ROBO2: variants seen among roughly 807,000 people sequenced by gnomAD.
The protein encoded by ROBO2 is roundabout homolog 2.
Under a neutral mutation model 160.8 loss-of-function variants are expected in ROBO2, and 53 were observed. The ratio of observed to expected loss-of-function variants is 0.33; its 90% CI spans 0.26 to 0.41. The LOEUF (loss-of-function observed/expected upper bound fraction) is 0.41, where lower values mean the gene tolerates loss of function less well. Among genes scored for constraint, ROBO2 ranks in the 10% least tolerant of loss-of-function variants. The pLI, the probability that ROBO2 is intolerant of heterozygous loss-of-function variation, is 1.00. For synonymous variants in ROBO2, 664 were observed against 611.7 expected, an observed-to-expected ratio of 1.09 and a Z score of -1.26; for missense variants, 1,577 against 1,722.4, an observed-to-expected ratio of 0.92 and a Z score of 1.49.
chr3:76,153,373 C>T (rs762458300), intron 2 of ROBO2, among the ~76,000 whole-genome samples: 3 of 152,088 alleles, frequency 2.0e-5, no homozygotes, highest in Non-Finnish European at 2.9e-5. Context: ...GTTTGACTTC[C>T]GTTTCATCTT....
At chr3:76,969,146 GAAAGTGGCAGAATTCAAT>G (rs1416517352) in intron 2 of ROBO2, among the ~76,000 whole-genome samples, 1 of 152,154 alleles carries the variant, frequency 6.6e-6, no homozygotes, top group Non-Finnish European at 1.5e-5. Context: ...GACAACAAGT[GAAAGTGGCAGAATTCAAT>G]AAAGTGGCAG....
chr3:77,297,230 C>G (rs143649828), intron 2 of ROBO2, among the ~76,000 whole-genome samples: 2 of 152,184 alleles, frequency 1.3e-5, no homozygotes, highest in African/African-American at 4.8e-5. Flanking sequence ...ATTTTTACAA[C>G]TACTGATGTT....
At chr3:77,638,320 TG>T (rs2153720172) in intron 24 of ROBO2, among the ~76,000 whole-genome samples, 1 of 152,354 alleles carries the variant, frequency 6.6e-6, no homozygotes. Flanking sequence ...CAACAGTGTT[TG>T]CTGTTTTCTA....
intron 2 of ROBO2, among the ~76,000 whole-genome samples, chr3:76,778,186 T>C (rs1421667570): frequency 6.6e-6 from 1 of 151,092 alleles, no homozygotes; most frequent in African/African-American, 2.4e-5. Flanking sequence ...GGAGGCCATA[T>C]GTCCCTGATT....
chr3:77,202,830 T>A (rs2151029299), intron 2 of ROBO2, among the ~76,000 whole-genome samples: 1 of 152,240 alleles, frequency 6.6e-6, no homozygotes, highest in Non-Finnish European at 1.5e-5. Context: ...GAAATGAAAT[T>A]TTTCACCTTC....
At chr3:76,053,875 C>T (rs73842916) in intron 2 of ROBO2, among the ~76,000 whole-genome samples, 3,120 of 152,110 alleles carry the variant, frequency 0.021, 42 homozygotes, top group East Asian at 0.08. Flanking sequence ...ACTCATAAAA[C>T]AGCTTTTCAG....
At chr3:77,136,836 T>A (rs1419178354) in intron 2 of ROBO2, among the ~76,000 whole-genome samples, 1 of 151,934 alleles carries the variant, frequency 6.6e-6, no homozygotes, top group African/African-American at 2.4e-5. Context: ...AGGGTTTCAC[T>A]GTGTTAGCCA....
chr3:77,552,828 G>A (rs1003475737), intron 8 of ROBO2, among the ~76,000 whole-genome samples: 9 of 151,950 alleles, frequency 5.9e-5, no homozygotes, highest in African/African-American at 2.2e-4. Context: ...ATTGGCTGAT[G>A]CCTTAAGCTT....
chr3:76,428,630 G>T (rs2076314262), intron 2 of ROBO2, among the ~76,000 whole-genome samples: 1 of 151,662 alleles, frequency 6.6e-6, no homozygotes, highest in Non-Finnish European at 1.5e-5. Flanking sequence ...AAAAAAGTGA[G>T]TTTTTTTTCT....
At chr3:76,659,328 A>G (rs2091717082) in intron 2 of ROBO2, among the ~76,000 whole-genome samples, 1 of 149,464 alleles carries the variant, frequency 6.7e-6, no homozygotes, top group Non-Finnish European at 1.5e-5. Flanking sequence ...GCATATTTAT[A>G]CATATACATA....
intron 2 of ROBO2, among the ~76,000 whole-genome samples, chr3:75,947,093 A>C (rs1948330519): frequency 6.6e-6 from 1 of 152,100 alleles, no homozygotes; most frequent in Non-Finnish European, 1.5e-5. Context: ...AGGTATTTGG[A>C]TTTAGGGACA....
intron 2 of ROBO2, among the ~76,000 whole-genome samples, chr3:76,867,140 G>A (rs2071467794): frequency 6.6e-6 from 1 of 152,122 alleles, no homozygotes; most frequent in Admixed American, 6.5e-5. Context: ...ATTAACACTA[G>A]CCTAGATTAC....
intron 2 of ROBO2, among the ~76,000 whole-genome samples, chr3:76,967,258 A>T (rs1313074960): frequency 6.0e-5 from 9 of 148,768 alleles, no homozygotes; most frequent in African/African-American, 2.2e-4. Flanking sequence ...ACGGAATCTC[A>T]CTCTGTCGTC....
chr3:76,059,086 T>C (rs533174849), intron 2 of ROBO2, among the ~76,000 whole-genome samples: 1 of 151,540 alleles, frequency 6.6e-6, no homozygotes, highest in South Asian at 2.1e-4. Context: ...TCTTTGCTAT[T>C]GTGAATAGTG....
At chr3:77,165,760 A>G (rs1246271595) in intron 2 of ROBO2, among the ~76,000 whole-genome samples, 1 of 152,128 alleles carries the variant, frequency 6.6e-6, no homozygotes, top group African/African-American at 2.4e-5. Context: ...TGGATTGTGA[A>G]ATAGACCATG....
chr3:76,270,899 A>C (rs535788053), intron 2 of ROBO2, among the ~76,000 whole-genome samples: 1 of 152,234 alleles, frequency 6.6e-6, no homozygotes, highest in South Asian at 2.1e-4. Context: ...TGGAAGCTTC[A>C]GTTTCATAAA....
chr3:76,935,392 T>C (rs2149079363), intron 2 of ROBO2, among the ~76,000 whole-genome samples: 1 of 152,348 alleles, frequency 6.6e-6, no homozygotes, highest in South Asian at 2.1e-4. Flanking sequence ...GACCTAATTT[T>C]TGTCAATTGT....
At chr3:77,508,155 A>G (rs2088846185) in intron 5 of ROBO2, among the ~76,000 whole-genome samples, 1 of 151,722 alleles carries the variant, frequency 6.6e-6, no homozygotes, top group Non-Finnish European at 1.5e-5. Flanking sequence ...TCAGAACTGC[A>G]GGGAGCTTCA....
At chr3:77,137,251 G>A (rs2076352139) in intron 2 of ROBO2, among the ~76,000 whole-genome samples, 1 of 152,030 alleles carries the variant, frequency 6.6e-6, no homozygotes, top group African/African-American at 2.4e-5. Flanking sequence ...TTTGAGACAG[G>A]GTTTTGCTCT....
Sources: allele counts gnomAD v4.1 joint callset (sites outside exome capture counted in the v4.1 genomes callset), GRCh38; gene constraint gnomAD v4.1.1; transcripts MANE v1.5; gene names NCBI Gene and HGNC (gene_info 2026-07-23, HGNC 2026-07-21).